The following CD1B variants were observed in gnomAD, a reference collection of about 807,000 sequenced individuals.
CD1B encodes the protein T-cell surface glycoprotein CD1b.
A neutral mutation model predicts 39.8 loss-of-function variants in CD1B; 43 were observed. The observed-to-expected ratio is 1.08, with a 90% CI of 0.85 to 1.39. The LOEUF (loss-of-function observed/expected upper bound fraction) is 1.39. Among genes scored for constraint, CD1B ranks in the 40% most tolerant of loss-of-function variants. The pLI is 0.00. For synonymous variants in CD1B, 192 were observed against 152.5 expected, an observed-to-expected ratio of 1.26 and a Z score of -1.91; for missense variants, 495 against 403.8, an observed-to-expected ratio of 1.23 and a Z score of -1.94.
the CD1B span, among the ~76,000 whole-genome samples, chr1:158,313,333 A>C: frequency 4.6e-5 from 7 of 151,952 alleles, no homozygotes; most frequent in African/African-American, 1.7e-4. Flanking sequence ...TTTTTTGAGA[A>C]AGTGTCTCAC....
chr1:158,326,786 A>AATTATTATT (rs374291885), downstream of CD1B, among the ~76,000 whole-genome samples: 4,692 of 149,620 alleles, frequency 0.031, 240 homozygotes, highest in African/African-American at 0.11. Flanking sequence ...GCACATATAA[A>AATTATTATT]ATTATTATTA....
At chr1:158,312,098 TAAC>T in the CD1B span, among the ~76,000 whole-genome samples, 1 of 152,166 alleles carries the variant, frequency 6.6e-6, no homozygotes, top group East Asian at 1.9e-4. Context: ...ATGGGCATTT[TAAC>T]AATGCCAATT....
the CD1B span, among the ~76,000 whole-genome samples, chr1:158,316,152 G>C: frequency 6.6e-6 from 1 of 151,916 alleles, no homozygotes; most frequent in Non-Finnish European, 1.5e-5. Flanking sequence ...CTCTTTTTTG[G>C]TTCCATATGA....
the CD1B span, among the ~76,000 whole-genome samples, chr1:158,294,755 A>G: frequency 6.6e-6 from 1 of 152,236 alleles, no homozygotes; most frequent in Non-Finnish European, 1.5e-5. Context: ...TAAGATGGAA[A>G]TAAACATATC....
At chr1:158,325,665 GCA>G (rs375819743), downstream of CD1B, among the ~76,000 whole-genome samples, 6 of 148,336 alleles carry the variant, frequency 4.0e-5, no homozygotes, top group African/African-American at 9.9e-5. Context: ...ACACACACAC[GCA>G]CACACACAAT....
At chr1:158,304,996 G>A in the CD1B span, among the ~76,000 whole-genome samples, 4 of 152,122 alleles carry the variant, frequency 2.6e-5, no homozygotes, top group African/African-American at 9.7e-5. Flanking sequence ...AAAAAACAGA[G>A]CAGAAAAACT....
At chr1:158,293,498 C>T in the CD1B span, 9 of 1,614,122 alleles carry the variant, frequency 5.6e-6, no homozygotes, top group South Asian at 8.8e-5. Context: ...CTGACTCCCC[C>T]ATTGTGTTAA....
chr1:158,329,975 ATTTC>A lies in CD1B; in HGVS notation c.480_483del (p.Gln160HisfsTer5). 6.2e-7 allele frequency: 1 copy of A among 1,614,064 alleles called. No homozygotes were observed. The highest frequency in any genetic ancestry group is 8.5e-7 in the Non-Finnish European group (1 of 1,180,018). ...TGATATTGTATGATTAGTGCACAGA[ATTTC>A]TGTGCCCTGCTGCCACCTTCTGGGG... On this transcript the variant is annotated frameshift_variant, in exon 3 of 6. Coordinates refer to ENST00000368168, the MANE Select transcript of CD1B (RefSeq NM_001764.3). LOFTEE classifies it high-confidence loss of function.
the CD1B span, among the ~76,000 whole-genome samples, chr1:158,305,103 T>C: frequency 0.089 from 13,471 of 151,804 alleles, 1,182 homozygotes; most frequent in African/African-American, 0.21. Context: ...CCTTGACGAG[T>C]TGAGAGAAGA....
At chr1:158,298,563 T>C in the CD1B span, among the ~76,000 whole-genome samples, 2 of 152,198 alleles carry the variant, frequency 1.3e-5, no homozygotes, top group African/African-American at 4.8e-5. Context: ...AAGTCATTGG[T>C]AGCTTGATAG....
At chr1:158,314,311 T>G in the CD1B span, among the ~76,000 whole-genome samples, 5 of 152,190 alleles carry the variant, frequency 3.3e-5, no homozygotes, top group South Asian at 1.0e-3. Context: ...TGTTGAACTC[T>G]TAACAAGTGA....
At chr1:158,292,088 C>G in the CD1B span, 3 of 1,613,050 alleles carry the variant, frequency 1.9e-6, no homozygotes, top group Non-Finnish European at 2.5e-6. Flanking sequence ...CTCCAGATCC[C>G]TTTGAAGTAC....
the CD1B span, among the ~76,000 whole-genome samples, chr1:158,306,733 T>C: frequency 6.6e-6 from 1 of 152,188 alleles, no homozygotes; most frequent in African/African-American, 2.4e-5. Context: ...AAACTGTCTC[T>C]CAGACCACAG....
the CD1B span, among the ~76,000 whole-genome samples, chr1:158,316,753 C>T: frequency 0.021 from 3,140 of 151,800 alleles, 57 homozygotes; most frequent in Admixed American, 0.029. Flanking sequence ...AAAGTGAATA[C>T]TTCCAGTTTT....
In CD1B at chr1:158,330,961, T is replaced by A. The variant is rs1270190323; in HGVS notation, c.163A>T (p.Ile55Phe). Residue 55 changes from isoleucine (I) to phenylalanine (F), a missense_variant, in exon 2 of 6, where the codon ATT becomes TTT. Coordinates refer to ENST00000368168, the MANE Select transcript of CD1B (RefSeq NM_001764.3). ...CCTGAGTCGCTATCCCAGCCATGAA[T>A]CTGCAAATCATCCAACCAGCCTGAG... Reference protein sequence around the residue: ...QGSGWLDDLQIHGWDSDSGTA... With the variant: ...QGSGWLDDLQFHGWDSDSGTA... 6 of 1,614,032 alleles carry A rather than the reference T, an allele frequency of 3.7e-6. No homozygotes were observed. The highest frequency in any genetic ancestry group is 5.1e-6 in the Non-Finnish European group (6 of 1,180,016).
At chr1:158,309,575 C>T in the CD1B span, among the ~76,000 whole-genome samples, 1 of 152,052 alleles carries the variant, frequency 6.6e-6, no homozygotes, top group Non-Finnish European at 1.5e-5. Flanking sequence ...AGACTTGGAA[C>T]CAACCCAAAT....
In CD1B at chr1:158,331,476, T is replaced by A; in HGVS notation, c.-53A>T. On this transcript the variant is annotated 5_prime_UTR_variant, in exon 1 of 6. Transcript: ENST00000368168. Reference sequence around the variant, plus strand: ...GCAGAGCTGGTATTTGATCTCCAATTTCAGCAAAGCTTTTCCTCAGTACCC... The same window carrying A: ...GCAGAGCTGGTATTTGATCTCCAATATCAGCAAAGCTTTTCCTCAGTACCC... The A allele has an allele frequency of 6.8e-7, 1 of 1,467,234 alleles. No homozygotes were observed. The highest frequency in any genetic ancestry group is 1.2e-5 in the South Asian group (1 of 86,470). 90.9% of individuals were successfully genotyped at this position (1,467,234 alleles called of 1,614,324 possible). A position where few individuals can be genotyped will look rare whatever the true frequency, so the allele number is the denominator to read the frequency against.
chr1:158,293,260 T>C, the CD1B span: 1 of 1,614,168 alleles, frequency 6.2e-7, no homozygotes, highest in Admixed American at 1.7e-5. Flanking sequence ...ATAGTGCCCT[T>C]GGTGATTCTA....
chr1:158,305,988 T>TA, the CD1B span, among the ~76,000 whole-genome samples: 1 of 152,206 alleles, frequency 6.6e-6, no homozygotes, highest in African/African-American at 2.4e-5. Flanking sequence ...TGCCAAATTG[T>TA]AAAGACTGTC....
Sources: gnomAD v4.1 joint callset for allele counts (sites outside exome capture counted in the v4.1 genomes callset) on GRCh38, gnomAD v4.1.1 for gene constraint, MANE v1.5 for transcripts, NCBI Gene and HGNC (gene_info 2026-07-23, HGNC 2026-07-21) for gene names.